ROBO2: variants seen among roughly 807,000 people sequenced by gnomAD.
ROBO2 encodes the protein roundabout homolog 2.
Under a neutral mutation model 160.8 loss-of-function variants are expected in ROBO2, and 53 were observed. The observed-to-expected ratio is 0.33, with a 90% CI of 0.26 to 0.41. The LOEUF is 0.41. Among genes scored for constraint, ROBO2 ranks in the 10% least tolerant of loss-of-function variants. ROBO2 has a pLI of 1.00. For missense variants in ROBO2, 1,577 were observed against 1,722.4 expected (o/e 0.92, Z 1.49); for synonymous variants, 664 against 611.7 (o/e 1.09, Z -1.26).
intron 2 of ROBO2, among the ~76,000 whole-genome samples, chr3:76,028,122 T>C (rs1420852499): frequency 6.7e-6 from 1 of 149,932 alleles, no homozygotes; most frequent in Non-Finnish European, 1.5e-5. Flanking sequence ...ATTAAAAATA[T>C]ACTGAGATGA....
At chr3:76,461,834 G>A (rs894610598) in intron 2 of ROBO2, among the ~76,000 whole-genome samples, 15 of 152,044 alleles carry the variant, frequency 9.9e-5, no homozygotes, top group African/African-American at 3.1e-4. Context: ...GTGCCCTGTG[G>A]TACATTTGTG....
intron 19 of ROBO2, among the ~76,000 whole-genome samples, chr3:77,598,527 G>GTGTATATATA (rs1553690641): frequency 1.0e-4 from 14 of 139,986 alleles, no homozygotes; most frequent in African/African-American, 2.2e-4. Flanking sequence ...ATATATATGT[G>GTGTATATATA]TATATATATA....
intron 2 of ROBO2, among the ~76,000 whole-genome samples, chr3:77,322,428 C>T (rs1348506155): frequency 1.3e-5 from 2 of 152,066 alleles, no homozygotes; most frequent in Admixed American, 1.3e-4. Context: ...ATTCTGAAGT[C>T]AATTTCAAGT....
chr3:77,620,591 T>A (rs959930014), intron 22 of ROBO2, among the ~76,000 whole-genome samples: 1 of 152,184 alleles, frequency 6.6e-6, no homozygotes, highest in African/African-American at 2.4e-5. Flanking sequence ...GAATACTAAC[T>A]TGGGGCCTGA....
intron 2 of ROBO2, among the ~76,000 whole-genome samples, chr3:76,289,737 T>A (rs982583062): frequency 1.3e-5 from 2 of 152,206 alleles, no homozygotes; most frequent in African/African-American, 4.8e-5. Context: ...GCATAATTTA[T>A]TGACTAAGGA....
At chr3:77,041,159 G>GC (rs1349699748) in intron 1 of ROBO2, among the ~76,000 whole-genome samples, 2 of 152,180 alleles carry the variant, frequency 1.3e-5, no homozygotes, top group African/African-American at 4.8e-5. Context: ...TCAATCTCCT[G>GC]CAAGAGCCTA....
intron 2 of ROBO2, among the ~76,000 whole-genome samples, chr3:77,161,279 T>C (rs1003593769): frequency 5.3e-5 from 8 of 152,228 alleles, no homozygotes; most frequent in African/African-American, 1.9e-4. Flanking sequence ...TTGCATAAAA[T>C]GCAACCTCAG....
At chr3:75,922,346 C>T (rs1435572370) in intron 1 of ROBO2, among the ~76,000 whole-genome samples, 1 of 151,966 alleles carries the variant, frequency 6.6e-6, no homozygotes, top group Non-Finnish European at 1.5e-5. Context: ...AATATCTAAA[C>T]GTAGCCCTAA....
At chr3:76,680,096 A>G (rs547982944) in intron 2 of ROBO2, among the ~76,000 whole-genome samples, 12 of 152,160 alleles carry the variant, frequency 7.9e-5, no homozygotes, top group Non-Finnish European at 1.8e-4. Context: ...GAAATCTTAA[A>G]TTCACAAAGA....
At chr3:77,326,148 A>G (rs1310922202) in intron 2 of ROBO2, among the ~76,000 whole-genome samples, 2 of 152,238 alleles carry the variant, frequency 1.3e-5, no homozygotes, top group Non-Finnish European at 2.9e-5. Flanking sequence ...GTAACCGTGT[A>G]TCCAATGGAA....
intron 2 of ROBO2, among the ~76,000 whole-genome samples, chr3:77,260,078 A>G (rs770949663): frequency 5.9e-5 from 9 of 152,246 alleles, no homozygotes; most frequent in Middle Eastern, 3.4e-3. Flanking sequence ...CCTGCTATCA[A>G]CTTATTCCTT....
chr3:77,226,315 C>T (rs1275093473), intron 2 of ROBO2, among the ~76,000 whole-genome samples: 1 of 151,250 alleles, frequency 6.6e-6, no homozygotes, highest in Non-Finnish European at 1.5e-5. Flanking sequence ...TTCAGTTTCA[C>T]GTATATTCTT....
At chr3:76,216,472 A>G (rs1209868706) in intron 2 of ROBO2, among the ~76,000 whole-genome samples, 2 of 152,308 alleles carry the variant, frequency 1.3e-5, no homozygotes, top group East Asian at 3.9e-4. Flanking sequence ...AAGATCTACC[A>G]AGCAAATGGA....
At chr3:77,605,412 G>A (rs2094507352) in intron 20 of ROBO2, among the ~76,000 whole-genome samples, 1 of 152,022 alleles carries the variant, frequency 6.6e-6, no homozygotes, top group Non-Finnish European at 1.5e-5. Flanking sequence ...TCTCCACCAT[G>A]CTATGAACCT....
chr3:76,459,722 T>C (rs1442095573), intron 2 of ROBO2, among the ~76,000 whole-genome samples: 1 of 152,160 alleles, frequency 6.6e-6, no homozygotes, highest in East Asian at 1.9e-4. Context: ...ATTGCCAACA[T>C]TATTGGAATT....
intron 2 of ROBO2, among the ~76,000 whole-genome samples, chr3:76,101,738 G>A (rs2069692549): frequency 7.1e-6 from 1 of 140,420 alleles, no homozygotes; most frequent in Admixed American, 7.4e-5. Flanking sequence ...CCTGGGGTGT[G>A]ATGTTCCCCT....
chr3:77,045,279 A>G (rs1177481556), intron 1 of ROBO2, among the ~76,000 whole-genome samples: 3 of 152,176 alleles, frequency 2.0e-5, no homozygotes, highest in Non-Finnish European at 4.4e-5. Context: ...GACTCAACAC[A>G]GTGTTGGAGT....
At chr3:76,434,415 C>T in intron 2 of ROBO2, 1 of 1,567,950 alleles carries the variant, frequency 6.4e-7, no homozygotes. Context: ...AGTATCCAGG[C>T]CCTGGGCTGG....
intron 2 of ROBO2, among the ~76,000 whole-genome samples, chr3:76,611,560 G>A (rs573952886): frequency 2.0e-5 from 3 of 152,020 alleles, no homozygotes; most frequent in Non-Finnish European, 2.9e-5. Flanking sequence ...TTGGCATACC[G>A]CTGCTCATAG....
Sources: gnomAD v4.1 joint callset for allele counts (sites outside exome capture counted in the v4.1 genomes callset) on GRCh38, gnomAD v4.1.1 for gene constraint, MANE v1.5 for transcripts, NCBI Gene and HGNC (gene_info 2026-07-23, HGNC 2026-07-21) for gene names.